The following FCHSD2 variants were observed in gnomAD, a reference collection of about 807,000 sequenced individuals.
The protein encoded by FCHSD2 is FCH and double SH3 domains 2.
In FCHSD2, 38 loss-of-function variants were observed where a neutral mutation model predicts 108.1. The ratio of observed to expected loss-of-function variants is 0.35; its 90% confidence interval spans 0.27 to 0.46. The LOEUF (loss-of-function observed/expected upper bound fraction) is 0.46. Ranked by LOEUF, FCHSD2 falls within the 20% of genes least tolerant of loss-of-function variation. The pLI is 1.00. For missense variants in FCHSD2, 751 were observed against 897.8 expected (o/e 0.84, Z 2.09); for synonymous variants, 279 against 314.7 (o/e 0.89, Z 1.20).
intron 4 of FCHSD2, among the ~76,000 whole-genome samples, chr11:73,009,803 G>A (rs1857822553): frequency 6.6e-6 from 1 of 151,858 alleles, no homozygotes; most frequent in Non-Finnish European, 1.5e-5. Context: ...GTTACTGCAT[G>A]CTTTTTTTCT....
At chr11:72,880,867 C>T (rs1337988622) in intron 12 of FCHSD2, among the ~76,000 whole-genome samples, 2 of 120,390 alleles carry the variant, frequency 1.7e-5, no homozygotes, top group African/African-American at 2.9e-5. Context: ...TACCCTGTCT[C>T]GAAAAAAAAA....
chr11:72,981,121 G>T (rs1294387915), intron 8 of FCHSD2, among the ~76,000 whole-genome samples: 1 of 152,162 alleles, frequency 6.6e-6, no homozygotes. Flanking sequence ...TATAGAATTA[G>T]CATGAGGAAG....
intron 3 of FCHSD2, among the ~76,000 whole-genome samples, chr11:73,058,678 C>A (rs916235430): frequency 6.6e-6 from 1 of 151,158 alleles, no homozygotes; most frequent in East Asian, 2.0e-4. Flanking sequence ...TCACTGCAAC[C>A]TCTGCCTCCC....
chr11:72,842,705 C>T lies in FCHSD2; in HGVS notation c.1842G>A (p.Gly614=). 6.2e-7 allele frequency: 1 copy of T among 1,614,060 alleles called. No individual in the cohort carries two copies. Among genetic ancestry groups the T allele is most frequent in the Non-Finnish European group, 8.5e-7 (1 of 1,179,908 alleles). The change falls in exon 17 of 20, where the codon GGG becomes GGA. Residue 614 remains glycine, a synonymous_variant. Coordinates refer to ENST00000409418, the MANE Select transcript of FCHSD2 (RefSeq NM_014824.3). ...GCACCGATGGGAAAACTCCAATACGCCCATTGAATTCCCCTTCCCAGAAGC... is the reference window on the plus strand; with the variant it reads ...GCACCGATGGGAAAACTCCAATACGTCCATTGAATTCCCCTTCCCAGAAGC... ...DDGFWEGEFN[G]RIGVFPSVLV... is the part of the protein sequence containing the mutation.
chr11:72,991,549 G>A (rs1485752913), intron 5 of FCHSD2, among the ~76,000 whole-genome samples: 2 of 152,144 alleles, frequency 1.3e-5, no homozygotes, highest in African/African-American at 2.4e-5. Flanking sequence ...ATGCAAGGCT[G>A]GTTCAACATA....
chr11:73,101,706 GGATTAT>G (rs1860230063), intron 2 of FCHSD2, among the ~76,000 whole-genome samples: 1 of 151,694 alleles, frequency 6.6e-6, no homozygotes, highest in African/African-American at 2.4e-5. Context: ...CAAAGTGCTG[GGATTAT>G]AGGTGTGAGC....
At chr11:73,041,600 TTTGTTTGC>T in intron 3 of FCHSD2, among the ~76,000 whole-genome samples, 1 of 152,140 alleles carries the variant, frequency 6.6e-6, no homozygotes, top group South Asian at 2.1e-4. Flanking sequence ...TTTTTGTTTG[TTTGTTTGC>T]TACTGAGTTG....
chr11:73,053,549 A>T (rs1054060018), intron 3 of FCHSD2, among the ~76,000 whole-genome samples: 1 of 152,234 alleles, frequency 6.6e-6, no homozygotes, highest in Non-Finnish European at 1.5e-5. Flanking sequence ...TGTTAAAACA[A>T]AATATAGGAG....
chr11:72,981,073 A>T (rs1170739842), intron 8 of FCHSD2, among the ~76,000 whole-genome samples: 2 of 152,220 alleles, frequency 1.3e-5, no homozygotes, highest in Non-Finnish European at 2.9e-5. Context: ...CTAAGTAGCT[A>T]ACAGCATGAT....
chr11:73,072,007 A>G (rs1859448602), intron 3 of FCHSD2, among the ~76,000 whole-genome samples: 2 of 152,076 alleles, frequency 1.3e-5, no homozygotes, highest in Non-Finnish European at 2.9e-5. Flanking sequence ...TTTTTTGATC[A>G]GCGGTCAGGG....
At chr11:72,956,923 A>G (rs749666335) in intron 8 of FCHSD2, among the ~76,000 whole-genome samples, 1 of 151,994 alleles carries the variant, frequency 6.6e-6, no homozygotes, top group Non-Finnish European at 1.5e-5. Flanking sequence ...GCACTTCTTC[A>G]TGTGATACAT....
intron 12 of FCHSD2, chr11:72,869,775 C>A (rs1854811524): frequency 6.6e-6 from 1 of 151,990 alleles, no homozygotes; most frequent in African/African-American, 2.4e-5. Context: ...CTCAGAACAC[C>A]CTGAAATCCA....
chr11:72,852,055 G>A (rs1345858457), intron 13 of FCHSD2, among the ~76,000 whole-genome samples: 1 of 151,326 alleles, frequency 6.6e-6, no homozygotes, highest in Admixed American at 6.6e-5. Flanking sequence ...TTTTGTTTTT[G>A]GTGTTTTTTT....
chr11:73,095,056 G>A (rs892493723), intron 2 of FCHSD2, among the ~76,000 whole-genome samples: 3 of 152,114 alleles, frequency 2.0e-5, no homozygotes, highest in Admixed American at 2.0e-4. Context: ...TGCTCTCAAG[G>A]GATTCATTTG....
chr11:72,946,137 G>A (rs1856514459), intron 8 of FCHSD2, among the ~76,000 whole-genome samples: 1 of 152,004 alleles, frequency 6.6e-6, no homozygotes, highest in Non-Finnish European at 1.5e-5. Flanking sequence ...GAAAGACTTG[G>A]AACCAACCCA....
Position 72,867,976 on chromosome 11 carries a change from A to G in FCHSD2, c.1197T>C (p.Gly399=). Residue 399 remains glycine, a synonymous_variant, in exon 13 of 20, where the codon GGT becomes GGC. Coordinates refer to ENST00000409418, the MANE Select transcript of FCHSD2 (RefSeq NM_014824.3). ...EARLDLLKQI[G]VSVDTWLKSA... is the part of the protein sequence containing the mutation. ...TCTTTAGCCATGTGTCCACAGAAAC[A>G]CCAATCTGCTTTAGCAGGTCCAACC... 2 of 1,585,124 alleles carry G rather than the reference A, an allele frequency of 1.3e-6. No homozygotes were observed.
intron 2 of FCHSD2, among the ~76,000 whole-genome samples, chr11:73,100,332 CTTTTGT>C (rs1340232802): frequency 7.9e-6 from 1 of 126,544 alleles, no homozygotes; most frequent in African/African-American, 3.3e-5. Flanking sequence ...GCTTTACATG[CTTTTGT>C]TGTTGTTGTT....
In FCHSD2 at chr11:72,875,365, G is replaced by T. The variant is rs185403435; in HGVS notation, c.1147-7339C>A. 7.1e-4 allele frequency among the ~76,000 whole-genome samples: 108 copies of T among 152,184 alleles called. 2 individuals carry two copies. The East Asian group carries it at 0.016, about 23-fold the overall frequency. ...ATTATAAACTCTATCTATCTATCTA[G>T]CTAGCTATTATTTATTTGACAGAGT... On this transcript the variant is annotated intron_variant, in intron 12 of 19. Coordinates refer to ENST00000409418, the MANE Select transcript of FCHSD2 (RefSeq NM_014824.3).
chr11:72,981,711 C>T (rs758486229), intron 8 of FCHSD2, among the ~76,000 whole-genome samples: 12 of 152,212 alleles, frequency 7.9e-5, no homozygotes, highest in Non-Finnish European at 1.6e-4. Flanking sequence ...CCCAGTAGCT[C>T]ACCCCTATAA....
Sources: gnomAD v4.1 joint callset for allele counts (sites outside exome capture counted in the v4.1 genomes callset) on GRCh38, gnomAD v4.1.1 for gene constraint, MANE v1.5 for transcripts, NCBI Gene and HGNC (gene_info 2026-07-23, HGNC 2026-07-21) for gene names.